The following MS4A13 variants were observed in gnomAD, a reference collection of about 807,000 sequenced individuals.
MS4A13 encodes membrane spanning 4-domains A13.
Under a neutral mutation model 18.4 loss-of-function variants are expected in MS4A13, and 21 were observed. The observed-to-expected ratio is 1.14, with a 90% confidence interval of 0.81 to 1.64. MS4A13 has a LOEUF of 1.64. Ranked by LOEUF, MS4A13 falls within the 40% of genes most tolerant of loss-of-function variation. The pLI is 0.00. For missense variants in MS4A13, 173 were observed against 176.8 expected, an observed-to-expected ratio of 0.98 and a Z score of 0.12; for synonymous variants, 62 against 57.2, an observed-to-expected ratio of 1.08 and a Z score of -0.38.
intron 5 of MS4A13, 92 bp from the exon 6 acceptor site, chr11:60,529,273 T>G: frequency 5.7e-6 from 2 of 348,498 alleles, no homozygotes; most frequent in Non-Finnish European, 1.0e-5. Flanking sequence ...TTTTTTTTTT[T>G]TTGACTCTCA....
In MS4A13 at chr11:60,529,424, T is replaced by G. The variant is rs2135260671; in HGVS notation, c.366T>G (p.Ile122Met). ...LLFFYGLEFS[I>M]ALTHSIYSCS... ...TCTTCTACGGTTTGGAATTTTCTAT[T>G]GCACTTACACACTCAATATACAGCT... is the stretch of plus-strand genomic sequence containing the variant. Residue 122 changes from isoleucine (I) to methionine (M), a missense_variant, in exon 6 of 7, where the codon ATT (isoleucine) becomes ATG (methionine). Physicochemically the swap from Ile to Met is conservative, Grantham distance 10. Transcript: ENST00000378186. 6.2e-7 allele frequency: 1 copy of G among 1,610,496 alleles called. No individual in the cohort carries two copies. Among genetic ancestry groups the G allele is most frequent in the East Asian group, 2.2e-5 (1 of 44,640 alleles).
chr11:60,516,608 A>G (rs1293935861), intron 2 of MS4A13, among the ~76,000 whole-genome samples: 1 of 152,210 alleles, frequency 6.6e-6, no homozygotes, highest in African/African-American at 2.4e-5. Flanking sequence ...CCATTTTGGC[A>G]TAGAATGAAA....
At chr11:60,538,121 T>C (rs2086822985) in intron 6 of MS4A13, among the ~76,000 whole-genome samples, 1 of 142,966 alleles carries the variant, frequency 7.0e-6, no homozygotes, top group Non-Finnish European at 1.5e-5. Context: ...GGCACATGTA[T>C]ACATATGTAA....
At chr11:60,540,036 G>T (rs556451414) in intron 6 of MS4A13, among the ~76,000 whole-genome samples, 1 of 152,198 alleles carries the variant, frequency 6.6e-6, no homozygotes, top group African/African-American at 2.4e-5. Context: ...TATGTAGGTG[G>T]TTATGAAAAT....
intron 5 of MS4A13, among the ~76,000 whole-genome samples, chr11:60,526,107 T>C (rs904024167): frequency 1.3e-5 from 2 of 152,030 alleles, no homozygotes; most frequent in Non-Finnish European, 2.9e-5. Context: ...TCCATACCTG[T>C]GACATATTAT....
At chr11:60,521,109 G>A (rs182445786) in intron 3 of MS4A13, among the ~76,000 whole-genome samples, 1 of 152,210 alleles carries the variant, frequency 6.6e-6, no homozygotes, top group Admixed American at 6.5e-5. Flanking sequence ...TGGGATTCAG[G>A]GCACCAAGTC....
rs1177421984 is a variant in MS4A13, at chr11:60,519,062, G to A, written c.129+850G>A. ...TTGATGATATGAGTAAATGGGGGTG[G>A]GTATTGGGATCAAGTATTTGTGTAG... On this transcript the variant is annotated intron_variant, in intron 3 of 6. Transcript: ENST00000378186. 2.6e-5 allele frequency among the ~76,000 whole-genome samples: 4 copies of A among 152,248 alleles called. No individual in the cohort carries two copies. In the East Asian group the frequency reaches 7.7e-4, roughly 29 times the overall value.
intron 6 of MS4A13, 36 bp from the exon 7 acceptor site, chr11:60,542,483 C>G (rs1343489755): frequency 7.0e-7 from 1 of 1,432,306 alleles, no homozygotes; most frequent in Non-Finnish European, 9.8e-7. Flanking sequence ...TATTAAGAAA[C>G]ATGATATGAT....
chr11:60,529,077 G>A (rs2086741530), intron 5 of MS4A13, among the ~76,000 whole-genome samples: 1 of 152,120 alleles, frequency 6.6e-6, no homozygotes, highest in African/African-American at 2.4e-5. Context: ...CTGTGCCAGC[G>A]ACTCTGTAAA....
chr11:60,539,370 G>T (rs777559047), intron 6 of MS4A13, among the ~76,000 whole-genome samples: 2 of 151,894 alleles, frequency 1.3e-5, no homozygotes, highest in Non-Finnish European at 2.9e-5. Flanking sequence ...CTCAAGAACA[G>T]AGGTGAGCTG....
chr11:60,520,677 G>C (rs1308721692), intron 3 of MS4A13, among the ~76,000 whole-genome samples: 1 of 152,236 alleles, frequency 6.6e-6, no homozygotes, highest in East Asian at 1.9e-4. Context: ...ACATGGTGTA[G>C]CCCTGATCTG....
chr11:60,526,827 T>C (rs2086716610), intron 5 of MS4A13, among the ~76,000 whole-genome samples: 1 of 152,210 alleles, frequency 6.6e-6, no homozygotes, highest in Non-Finnish European at 1.5e-5. Flanking sequence ...AAATGGTTAA[T>C]AGTATAGATT....
intron 6 of MS4A13, among the ~76,000 whole-genome samples, chr11:60,540,153 A>C (rs1038358482): frequency 6.6e-6 from 1 of 152,188 alleles, no homozygotes; most frequent in Non-Finnish European, 1.5e-5. Flanking sequence ...ACCTTAATTT[A>C]AGGTCGTGTT....
rs1331147957 is a variant in MS4A13, at chr11:60,523,913, T to G, written c.146T>G (p.Val49Gly). ...TATATCCAGTTTATCATTGCAGGAG[T>G]CTTCCTAATAAGAGTAACAAAGTAT... ...LWGIFFIIAG[V>G]FLIRVTKYPT... The change falls in exon 4 of 7, where the codon GTC becomes GGC. Residue 49 changes from valine to glycine, a missense_variant. Transcript: ENST00000378186. 1 of 1,536,546 alleles carries G rather than the reference T, an allele frequency of 6.5e-7. No homozygotes were observed.
intron 3 of MS4A13, among the ~76,000 whole-genome samples, chr11:60,522,234 A>ATATC (rs1402742805): frequency 0.55 from 59,888 of 108,076 alleles, 13,657 homozygotes; most frequent in Non-Finnish European, 0.6. Context: ...ATAGATAGAT[A>ATATC]GATAGATGTA....
chr11:60,532,588 T>C (rs79529677), intron 6 of MS4A13, among the ~76,000 whole-genome samples: 24,720 of 151,560 alleles, frequency 0.16, 2,272 homozygotes, highest in East Asian at 0.27. Flanking sequence ...GGCAGCGAGG[T>C]TGGGGGAGGG....
At chr11:60,532,642 T>G (rs1365451282) in intron 6 of MS4A13, among the ~76,000 whole-genome samples, 3 of 151,554 alleles carry the variant, frequency 2.0e-5, no homozygotes, top group African/African-American at 4.8e-5. Flanking sequence ...CAAAGCAGCC[T>G]GGAAGCTCGA....
At chr11:60,539,922 A>T (rs898545444) in intron 6 of MS4A13, among the ~76,000 whole-genome samples, 10 of 152,234 alleles carry the variant, frequency 6.6e-5, no homozygotes, top group African/African-American at 2.4e-4. Context: ...TTGCTAGCAG[A>T]AATTCCTCAT....
In MS4A13 at chr11:60,542,517, A is replaced by G; in HGVS notation, c.403-2A>G. The G allele has an allele frequency of 6.2e-7, 1 of 1,604,936 alleles. No individual in the cohort carries two copies. The highest frequency in any genetic ancestry group is 8.5e-7 in the Non-Finnish European group (1 of 1,174,438). Reference sequence around the variant, plus strand: ...ATTTGTAAGAGGTTACTTTTTTTCCAGTTTCGAAGACAAAATGATCTTACA... The same window carrying G: ...ATTTGTAAGAGGTTACTTTTTTTCCGGTTTCGAAGACAAAATGATCTTACA... On this transcript the variant is annotated splice_acceptor_variant, in intron 6 of 6. Coordinates refer to ENST00000378186, the MANE Select transcript of MS4A13 (RefSeq NM_001012417.3). LOFTEE classifies it high-confidence loss of function.
Sources: allele counts gnomAD v4.1 joint callset (sites outside exome capture counted in the v4.1 genomes callset), GRCh38; gene constraint gnomAD v4.1.1; transcripts MANE v1.5; gene names NCBI Gene and HGNC (gene_info 2026-07-23, HGNC 2026-07-21).